The following CREBBP variants were observed in gnomAD, a reference collection of about 807,000 sequenced individuals.
CREBBP encodes the protein CREB-binding protein.
CREBBP carries 19 observed loss-of-function variants against 265.0 expected under a neutral mutation model. The ratio of observed to expected loss-of-function variants is 0.07; its 90% CI spans 0.05 to 0.11. The LOEUF is 0.11. CREBBP is among the 10% of genes least tolerant of loss of function. CREBBP has a pLI of 1.00. For missense variants in CREBBP, 2,525 were observed against 3,219.0 expected (o/e 0.78, Z 5.22); for synonymous variants, 1,457 against 1,223.7 (o/e 1.19, Z -3.98).
rs2054806336 is a variant in CREBBP, at chr16:3,850,413, T to G, written c.682A>C (p.Thr228Pro). The G allele has an allele frequency of 3.1e-6, 5 of 1,614,132 alleles. No homozygotes were observed. Among genetic ancestry groups the G allele is most frequent in the Non-Finnish European group, 4.2e-6 (5 of 1,180,028 alleles). Residue 228 changes from threonine to proline, a missense_variant, in exon 2 of 31, where the codon ACT becomes CCT. Physicochemically the swap from Thr to Pro is conservative, Grantham distance 38. This residue lies in a region of CREBBP where 356 missense variants were observed against 340.4 expected (regional missense o/e 1.05). Coordinates refer to ENST00000262367, the MANE Select transcript of CREBBP (RefSeq NM_004380.3). ...CTCGAGGCGCCCTGCATGGCTGGAG[T>G]AGGGTACGGCATTCCAGCTCCCCTT... ...RGRGAGMPYPTPAMQGASSSV... is the reference protein window; with the variant it reads ...RGRGAGMPYPPPAMQGASSSV...
At chr16:3,745,463 T>A (rs1028337658) in intron 21 of CREBBP, 109 bp from the exon 22 acceptor site, 1 of 920,982 alleles carries the variant, frequency 1.1e-6, no homozygotes, top group Middle Eastern at 2.1e-4. Flanking sequence ...TTACTTTGAG[T>A]AGTGCTGACA....
chr16:3,874,004 G>A (rs983871325), intron 1 of CREBBP, among the ~76,000 whole-genome samples: 1 of 152,150 alleles, frequency 6.6e-6, no homozygotes, highest in Admixed American at 6.5e-5. Context: ...AAAGGCTCTG[G>A]AGTTCTTACT....
rs967929828 is a variant in CREBBP at position 3,851,115 on chromosome 16, T to C, written c.86-106A>G. 1.2e-4 allele frequency: 113 copies of C among 905,640 alleles called. No individual in the cohort carries two copies. In the Middle Eastern group the frequency reaches 2.9e-3, roughly 23 times the overall value. The allele number at this position is 905,640 out of a possible 1,614,324, so 56.1% of individuals were successfully genotyped here. On this transcript the variant is annotated intron_variant, in intron 1 of 30. Transcript: ENST00000262367. ...CTAATGGGGCATTCAGCACGAACAC[T>C]AGCATGTCTTAAGAGTCATGTCATT... is the stretch of plus-strand genomic sequence containing the variant.
chr16:3,745,647 C>A, intron 21 of CREBBP: 1 of 462,434 alleles, frequency 2.2e-6, no homozygotes, highest in Non-Finnish European at 4.0e-6. Flanking sequence ...GCGACAAATA[C>A]ATATTTCACA....
rs1192337548 is a variant in CREBBP, at chr16:3,780,722, T to G, written c.1823+10A>C. 1.2e-5 allele frequency: 20 copies of G among 1,613,798 alleles called. No individual in the cohort carries two copies. Among genetic ancestry groups the G allele is most frequent in the Non-Finnish European group, 1.6e-5 (19 of 1,179,980 alleles). ...TCAAACATCTATGAAACTGCAAAAC[T>G]GTTACGTACAGTTTATGCACTAGAT... On this transcript the variant is annotated intron_variant, in intron 8 of 30. Transcript: ENST00000262367.
chr16:3,759,588 C>CAAAAAAA (rs879293877), intron 16 of CREBBP, among the ~76,000 whole-genome samples: 1 of 129,456 alleles, frequency 7.7e-6, no homozygotes, highest in African/African-American at 3.7e-5. Flanking sequence ...ACTCTGTCTC[C>CAAAAAAA]AAAAAAAAAA....
Position 3,749,647 on chromosome 16 carries a change from AT to A in CREBBP, c.3815del (p.Asn1272MetfsTer4). On this transcript the variant is annotated frameshift_variant, in exon 21 of 31. Transcript: ENST00000262367. LOFTEE classifies it high-confidence loss of function. ...ISKDQFEKKK[N>X]DTLDPEPFVD... ...CTTACGGTTCGGGGTCTAAGGTATC[AT>A]TTTTCTTCTTTTCAAACTGATCCTT... 2 of 1,606,352 alleles carry A rather than the reference AT, an allele frequency of 1.2e-6. No individual in the cohort carries two copies. Among genetic ancestry groups the A allele is most frequent in the Non-Finnish European group, 1.7e-6 (2 of 1,173,638 alleles).
intron 2 of CREBBP, among the ~76,000 whole-genome samples, chr16:3,846,089 C>G (rs547520637): frequency 4.6e-5 from 7 of 152,026 alleles, no homozygotes; most frequent in Non-Finnish European, 8.8e-5. Context: ...TGACCATATT[C>G]CTGGTGAAAC....
chr16:3,860,193 A>T (rs2055045782), intron 1 of CREBBP, among the ~76,000 whole-genome samples: 1 of 152,182 alleles, frequency 6.6e-6, no homozygotes, highest in Non-Finnish European at 1.5e-5. Flanking sequence ...CACTGAGTAT[A>T]GGAATAAAGG....
chr16:3,781,140 T>G, intron 7 of CREBBP, 64 bp downstream of exon 7: 1 of 1,419,684 alleles, frequency 7.0e-7, no homozygotes, highest in Non-Finnish European at 9.9e-7. Flanking sequence ...AAAGAATCAG[T>G]TTTGTGTGGT....
chr16:3,766,430 C>T (rs1371859458), intron 16 of CREBBP, among the ~76,000 whole-genome samples: 1 of 152,140 alleles, frequency 6.6e-6, no homozygotes, highest in African/African-American at 2.4e-5. Context: ...ACTATTCTTA[C>T]TTATTTTTGT....
chr16:3,852,822 AC>A (rs1172697734), intron 1 of CREBBP, among the ~76,000 whole-genome samples: 1 of 151,982 alleles, frequency 6.6e-6, no homozygotes, highest in East Asian at 1.9e-4. Context: ...TTTCAAAGTA[AC>A]TTTTCTCTGA....
intron 2 of CREBBP, among the ~76,000 whole-genome samples, chr16:3,849,665 C>T (rs910666276): frequency 1.3e-5 from 2 of 151,174 alleles, no homozygotes; most frequent in East Asian, 2.0e-4. Context: ...GTCACTGTGT[C>T]CAGCACCCAT....
intron 2 of CREBBP, among the ~76,000 whole-genome samples, chr16:3,836,269 A>G (rs1212332649): frequency 6.6e-6 from 1 of 151,670 alleles, no homozygotes; most frequent in East Asian, 1.9e-4. Flanking sequence ...CCCTATCTCT[A>G]CCAAAAAGAA....
intron 12 of CREBBP, among the ~76,000 whole-genome samples, chr16:3,774,169 T>C (rs907597008): frequency 4.6e-5 from 7 of 152,310 alleles, no homozygotes; most frequent in Admixed American, 3.3e-4. Flanking sequence ...GTCCTCTGAA[T>C]AGAAATCAAT....
At chr16:3,813,983 G>T (rs972394620) in intron 2 of CREBBP, among the ~76,000 whole-genome samples, 3 of 152,174 alleles carry the variant, frequency 2.0e-5, no homozygotes, top group Admixed American at 2.0e-4. Context: ...GTACCAAGAG[G>T]CCAGTGTGCT....
At chr16:3,746,694 C>A (rs142161410) in intron 21 of CREBBP, among the ~76,000 whole-genome samples, 2 of 152,158 alleles carry the variant, frequency 1.3e-5, no homozygotes, top group African/African-American at 4.8e-5. Context: ...CACCTGTAAT[C>A]CTAGCATGTG....
intron 3 of CREBBP, among the ~76,000 whole-genome samples, chr16:3,808,701 T>C (rs1317554654): frequency 2.0e-5 from 3 of 152,216 alleles, no homozygotes; most frequent in Non-Finnish European, 4.4e-5. Flanking sequence ...GGCTGGAGAA[T>C]ATTTTAAAAG....
At position 3,879,951 on chromosome 16, in the gene CREBBP, G is replaced by A. The variant is rs2055492716; in HGVS notation, c.-35C>T. ...CTCGCGAAAACAGCCCCGGGCACGG[G>A]CGGCCGGGCCGGCGAGGGCCCGGAC... On this transcript the variant is annotated 5_prime_UTR_variant, in exon 1 of 31. Transcript: ENST00000262367. The A allele has an allele frequency of 5.6e-6, 9 of 1,595,414 alleles. No individual in the cohort carries two copies. Among genetic ancestry groups the A allele is most frequent in the Admixed American group, 1.7e-5 (1 of 58,248 alleles).
Sources: gnomAD v4.1 joint callset for allele counts (sites outside exome capture counted in the v4.1 genomes callset) on GRCh38, gnomAD v4.1.1 for gene constraint, gnomAD v4.1.1 regional missense constraint, MANE v1.5 for transcripts, NCBI Gene and HGNC (gene_info 2026-07-23, HGNC 2026-07-21) for gene names.